MRTFB: variants seen among roughly 807,000 people sequenced by gnomAD.
MRTFB encodes the protein myocardin related transcription factor B, also known as myocardin-related transcription factor B.
In MRTFB, 29 loss-of-function variants were observed where a neutral mutation model predicts 104.2. That is an observed-to-expected ratio of 0.28 (90% CI 0.21 to 0.38). MRTFB has a LOEUF of 0.38. Ranked by LOEUF, MRTFB falls within the 10% of genes least tolerant of loss-of-function variation. The probability of loss-of-function intolerance (pLI) is 1.00; values close to 1 mark genes in which losing one functional copy is unlikely to be tolerated. For synonymous variants in MRTFB, 535 were observed against 519.5 expected (o/e 1.03, Z -0.41); for missense variants, 1,270 against 1,341.6 (o/e 0.95, Z 0.83).
chr16:14,061,366 G>A, the MRTFB span, among the ~76,000 whole-genome samples: 1 of 152,166 alleles, frequency 6.6e-6, no homozygotes, highest in Non-Finnish European at 1.5e-5. Flanking sequence ...GGAAAAGGAA[G>A]TGGAGCCCTG....
chr16:14,055,249 G>A, the MRTFB span, among the ~76,000 whole-genome samples: 2 of 152,232 alleles, frequency 1.3e-5, no homozygotes, highest in African/African-American at 4.8e-5. Context: ...TACTAGGGAG[G>A]CTGAGGCAGG....
chr16:14,085,000 A>C (rs547289384), intron 2 of MRTFB, among the ~76,000 whole-genome samples: 1 of 152,266 alleles, frequency 6.6e-6, no homozygotes, highest in East Asian at 1.9e-4. Flanking sequence ...TTAAAATAAG[A>C]AAAAATTAGC....
chr16:14,143,536 G>C (rs2038130356), intron 3 of MRTFB: 1 of 135,918 alleles, frequency 7.4e-6, no homozygotes, highest in African/African-American at 2.9e-5. Context: ...TATACTTTAA[G>C]TTTTAGGGTA....
chr16:14,140,705 G>C lies in MRTFB; in HGVS notation c.99G>C (p.Gln33His). The C allele has an allele frequency of 6.2e-7, 1 of 1,614,124 alleles. No homozygotes were observed. Among genetic ancestry groups the C allele is most frequent in the Middle Eastern group, 1.7e-4 (1 of 6,060 alleles). ...PQSEAVAHEF[Q>H]ELSLQSSQNL... ...GTGAAGCTGTGGCTCATGAATTCCA[G>C]GAACTCTCCTTGCAGTCCAGTCAAA... is the stretch of plus-strand genomic sequence containing the variant. Residue 33 changes from glutamine (Q) to histidine (H), a missense_variant, in exon 3 of 17, where the codon CAG (glutamine) becomes CAC (histidine). By Grantham distance (24) the Gln-to-His change is conservative. Coordinates refer to ENST00000571589, the MANE Select transcript of MRTFB (RefSeq NM_001308142.2).
chr16:14,050,777 A>C, the MRTFB span, among the ~76,000 whole-genome samples: 3 of 152,088 alleles, frequency 2.0e-5, no homozygotes, highest in Non-Finnish European at 2.9e-5. Context: ...AATGGAGATA[A>C]CACAGCGTAC....
intron 2 of MRTFB, among the ~76,000 whole-genome samples, chr16:14,112,909 C>T (rs1333996030): frequency 6.6e-6 from 1 of 152,200 alleles, no homozygotes; most frequent in Non-Finnish European, 1.5e-5. Flanking sequence ...AGTTACAACC[C>T]CTTTTCCTGC....
At chr16:14,057,388 T>G in the MRTFB span, among the ~76,000 whole-genome samples, 1 of 152,186 alleles carries the variant, frequency 6.6e-6, no homozygotes, top group African/African-American at 2.4e-5. Flanking sequence ...TCTTGTCTTT[T>G]AACCATCTCA....
chr16:14,031,506 A>G, the MRTFB span, among the ~76,000 whole-genome samples: 11 of 152,284 alleles, frequency 7.2e-5, no homozygotes, highest in East Asian at 9.6e-4. Flanking sequence ...CATCAGATCC[A>G]TGATTAAATG....
intron 2 of MRTFB, among the ~76,000 whole-genome samples, chr16:14,098,143 A>C (rs1386126669): frequency 1.3e-5 from 2 of 151,936 alleles, no homozygotes; most frequent in Non-Finnish European, 2.9e-5. Context: ...TGTCTGTTTA[A>C]CTTTTTTTTC....
At chr16:14,048,642 C>A in the MRTFB span, among the ~76,000 whole-genome samples, 1 of 152,160 alleles carries the variant, frequency 6.6e-6, no homozygotes, top group Non-Finnish European at 1.5e-5. Flanking sequence ...TTACTGGAAG[C>A]TTTTAATCAG....
Position 14,100,424 on chromosome 16 carries a change from G to T in MRTFB, c.-64+21070G>T, listed in dbSNP as rs2035636055. ...GTATTGTGTATCGCATGGTAAACCA[G>T]CCTTACATTCCTAGGATAAACCCCA... On this transcript the variant is annotated intron_variant, in intron 2 of 16. Coordinates refer to ENST00000571589, the MANE Select transcript of MRTFB (RefSeq NM_001308142.2). 2.0e-5 allele frequency among the ~76,000 whole-genome samples: 3 copies of T among 152,130 alleles called. No individual in the cohort carries two copies. In the South Asian group the frequency reaches 6.2e-4, roughly 32 times the overall value.
chr16:14,200,195 A>G (rs1195180793), intron 3 of MRTFB: 100 of 976,746 alleles, frequency 1.0e-4, no homozygotes, highest in South Asian at 1.7e-5. Flanking sequence ...TCATTATAGC[A>G]TTATTTGTAA....
At chr16:14,040,466 CTT>C in the MRTFB span, among the ~76,000 whole-genome samples, 5 of 144,434 alleles carry the variant, frequency 3.5e-5, no homozygotes, top group African/African-American at 1.0e-4. Flanking sequence ...ATTACTAAAT[CTT>C]TTTTTTTTTT....
intron 3 of MRTFB, among the ~76,000 whole-genome samples, chr16:14,209,468 A>T (rs1188947655): frequency 1.3e-5 from 2 of 152,188 alleles, no homozygotes; most frequent in Non-Finnish European, 2.9e-5. Context: ...TATTCCCCTT[A>T]TTTTGAAATA....
At chr16:14,023,750 G>C in the MRTFB span, among the ~76,000 whole-genome samples, 1 of 151,756 alleles carries the variant, frequency 6.6e-6, no homozygotes, top group Non-Finnish European at 1.5e-5. Flanking sequence ...AAAGCACTTA[G>C]AACTGTGCCT....
At chr16:14,209,416 G>A (rs999735466) in intron 3 of MRTFB, among the ~76,000 whole-genome samples, 2 of 152,148 alleles carry the variant, frequency 1.3e-5, no homozygotes, top group Non-Finnish European at 2.9e-5. Context: ...TGGTTTGAAT[G>A]TAAAGCAAAG....
At chr16:14,144,006 G>A (rs1378930436) in intron 3 of MRTFB, 1 of 152,146 alleles carries the variant, frequency 6.6e-6, no homozygotes, top group Admixed American at 6.5e-5. Flanking sequence ...TTTTTAAAAG[G>A]CTACTTTGTA....
Position 14,140,736 on chromosome 16 carries a change from C to A in MRTFB, c.130C>A (p.Pro44Thr). 1 of 1,614,128 alleles carries A rather than the reference C, an allele frequency of 6.2e-7. No individual in the cohort carries two copies. Among genetic ancestry groups the A allele is most frequent in the Non-Finnish European group, 8.5e-7 (1 of 1,180,022 alleles). ...ELSLQSSQNL[P>T]PLNERKNVLQ... ...CTCCTTGCAGTCCAGTCAAAACTTA[C>A]CCCCTCTGAACGAAAGGAAAAATGG... is the stretch of plus-strand genomic sequence containing the variant. The change falls in exon 3 of 17, where the codon CCC becomes ACC. Residue 44 changes from proline (P) to threonine (T), a missense_variant. Around this residue, in one of 3 missense-constraint regions of MRTFB, gnomAD observed 62 missense variants for 57.2 expected, o/e 1.08. Transcript: ENST00000571589.
At chr16:14,040,308 T>C in the MRTFB span, among the ~76,000 whole-genome samples, 1 of 152,180 alleles carries the variant, frequency 6.6e-6, no homozygotes, top group Admixed American at 6.5e-5. Flanking sequence ...TCCTCTTACA[T>C]GTCCTAGGAT....
Sources: gnomAD v4.1 joint callset for allele counts (sites outside exome capture counted in the v4.1 genomes callset) on GRCh38, gnomAD v4.1.1 for gene constraint, gnomAD v4.1.1 regional missense constraint, MANE v1.5 for transcripts, NCBI Gene and HGNC (gene_info 2026-07-23, HGNC 2026-07-21) for gene names.